The following DOCK3 variants were observed in gnomAD, a reference collection of about 807,000 sequenced individuals.
The protein encoded by DOCK3 is dedicator of cytokinesis protein 3.
In DOCK3, 60 loss-of-function variants were observed where a neutral mutation model predicts 265.6. The observed-to-expected ratio is 0.23, with a 90% CI of 0.18 to 0.28. The LOEUF (loss-of-function observed/expected upper bound fraction) is 0.28. Ranked by LOEUF, DOCK3 falls within the 10% of genes least tolerant of loss-of-function variation. DOCK3 has a pLI of 1.00. For synonymous variants in DOCK3, 881 were observed against 938.0 expected, an observed-to-expected ratio of 0.94 and a Z score of 1.11; for missense variants, 1,981 against 2,594.3, an observed-to-expected ratio of 0.76 and a Z score of 5.14.
chr3:51,268,992 T>C (rs2080343527), intron 23 of DOCK3, among the ~76,000 whole-genome samples: 1 of 152,000 alleles, frequency 6.6e-6, no homozygotes, highest in Non-Finnish European at 1.5e-5. Flanking sequence ...GGCACACTCC[T>C]ACTACATCAA....
Position 51,227,444 on chromosome 3 carries a change from C to T in DOCK3, c.1539C>T (p.Ser513=), listed in dbSNP as rs772063369. 1.2e-6 allele frequency: 2 copies of T among 1,613,738 alleles called. No homozygotes were observed. The highest frequency in any genetic ancestry group is 2.2e-5 in the South Asian group (2 of 91,046). ...SHLRFEFRHC[S]TKDKGEKKLF... is the part of the protein sequence containing the mutation. The stretch of plus-strand genomic sequence containing the variant: ...TGCGCTTTGAGTTCAGACATTGTTC[C>T]AGTGAGTTAGACTTCCCCCCCTCCA... Residue 513 remains serine, a splice_region_variant and synonymous_variant, in exon 16 of 53, where the codon TCC becomes TCT. Transcript: ENST00000266037.
chr3:50,736,292 G>C (rs1477456360), intron 1 of DOCK3, among the ~76,000 whole-genome samples: 1 of 152,056 alleles, frequency 6.6e-6, no homozygotes, highest in Non-Finnish European at 1.5e-5. Flanking sequence ...TCTTAATCCA[G>C]TCTATCATTG....
At chr3:51,040,982 A>G (rs919861629) in intron 5 of DOCK3, among the ~76,000 whole-genome samples, 4 of 151,580 alleles carry the variant, frequency 2.6e-5, no homozygotes, top group African/African-American at 9.7e-5. Flanking sequence ...GAAGTCATTC[A>G]TGAGGGTTGG....
At chr3:51,037,490 T>C (rs1397276524) in intron 5 of DOCK3, among the ~76,000 whole-genome samples, 1 of 152,164 alleles carries the variant, frequency 6.6e-6, no homozygotes, top group African/African-American at 2.4e-5. Flanking sequence ...ATATTAGTCA[T>C]GTATTACATG....
intron 9 of DOCK3, among the ~76,000 whole-genome samples, chr3:51,109,598 AAAATAGTCC>A (rs1192434790): frequency 6.6e-6 from 1 of 152,166 alleles, no homozygotes; most frequent in Admixed American, 6.5e-5. Context: ...AAAAAATAAT[AAAATAGTCC>A]ATTAGCTAGA....
chr3:50,739,770 C>A (rs2038893800), intron 1 of DOCK3, among the ~76,000 whole-genome samples: 1 of 151,936 alleles, frequency 6.6e-6, no homozygotes, highest in African/African-American at 2.4e-5. Flanking sequence ...CTGGGGCAGG[C>A]TAATTGAACA....
intron 41 of DOCK3, among the ~76,000 whole-genome samples, chr3:51,355,482 T>C (rs553603446): frequency 6.6e-6 from 1 of 152,272 alleles, no homozygotes; most frequent in East Asian, 1.9e-4. Context: ...GGCCCAAGGA[T>C]GTGTGGAGCA....
intron 14 of DOCK3, among the ~76,000 whole-genome samples, chr3:51,221,915 A>T (rs2090115321): frequency 1.3e-5 from 2 of 152,188 alleles, no homozygotes; most frequent in Non-Finnish European, 2.9e-5. Flanking sequence ...AGAGCTGCCC[A>T]GTCCCCTACT....
intron 3 of DOCK3, among the ~76,000 whole-genome samples, chr3:50,858,798 G>A (rs1365356639): frequency 6.6e-6 from 1 of 152,102 alleles, no homozygotes; most frequent in Non-Finnish European, 1.5e-5. Flanking sequence ...ATGATTCATA[G>A]ATTTGGCCTC....
chr3:51,218,802 G>A (rs2089936838), intron 14 of DOCK3, among the ~76,000 whole-genome samples: 1 of 152,114 alleles, frequency 6.6e-6, no homozygotes, highest in Non-Finnish European at 1.5e-5. Context: ...CCGAACCTCA[G>A]TGTGCCTCAG....
At chr3:51,085,391 A>G (rs1378848186) in intron 7 of DOCK3, among the ~76,000 whole-genome samples, 1 of 152,220 alleles carries the variant, frequency 6.6e-6, no homozygotes, top group Non-Finnish European at 1.5e-5. Flanking sequence ...AGCACATGGA[A>G]CATACTCCAG....
chr3:50,774,633 C>A (rs2041482205), intron 1 of DOCK3, among the ~76,000 whole-genome samples: 2 of 151,920 alleles, frequency 1.3e-5, no homozygotes, highest in South Asian at 4.2e-4. Context: ...CACAGTCAGA[C>A]CTGCTGATAA....
rs77726274 is a variant in DOCK3, at chr3:51,014,426, T to C, written c.316-50022T>C. On this transcript the variant is annotated intron_variant, in intron 5 of 52. Coordinates refer to ENST00000266037, the MANE Select transcript of DOCK3 (RefSeq NM_004947.5). ...CACTTATACCCATCATTCTGTATAGTGCTTCCAGAATCAGTTTCCTGAATC... is the reference window on the plus strand; with the variant it reads ...CACTTATACCCATCATTCTGTATAGCGCTTCCAGAATCAGTTTCCTGAATC... Among the ~76,000 whole-genome samples the C allele has an allele frequency of 5.4e-3, 815 of 152,288 alleles. 3 individuals are homozygous for C. Among genetic ancestry groups the C allele is most frequent in the African/African-American group, 0.019 (777 of 41,538 alleles).
At chr3:51,029,582 G>A (rs1311917043) in intron 5 of DOCK3, among the ~76,000 whole-genome samples, 1 of 152,214 alleles carries the variant, frequency 6.6e-6, no homozygotes, top group Non-Finnish European at 1.5e-5. Flanking sequence ...GGAACCCCCT[G>A]AAGTGGTTGG....
intron 9 of DOCK3, among the ~76,000 whole-genome samples, chr3:51,100,254 T>C (rs752643233): frequency 4.1e-4 from 63 of 152,190 alleles, no homozygotes; most frequent in Non-Finnish European, 9.0e-4. Context: ...CAGGCAGATA[T>C]TGTAAGGCAG....
chr3:51,246,851 A>G (rs995146281), intron 22 of DOCK3, 44 bp downstream of exon 22: 3 of 1,565,874 alleles, frequency 1.9e-6, no homozygotes, highest in Admixed American at 1.8e-5. Flanking sequence ...CACTCATGCA[A>G]TTATTTGTGA....
At chr3:51,209,727 G>A (rs2089404933) in intron 13 of DOCK3, among the ~76,000 whole-genome samples, 1 of 152,218 alleles carries the variant, frequency 6.6e-6, no homozygotes, top group Non-Finnish European at 1.5e-5. Flanking sequence ...ACATGTTGTA[G>A]AAAACTTTGT....
chr3:51,040,772 G>A (rs2080449771), intron 5 of DOCK3, among the ~76,000 whole-genome samples: 1 of 152,090 alleles, frequency 6.6e-6, no homozygotes, highest in Non-Finnish European at 1.5e-5. Flanking sequence ...AATGTTCACA[G>A]CATCTTCACC....
At chr3:51,180,498 C>T (rs1011058492) in intron 12 of DOCK3, among the ~76,000 whole-genome samples, 1 of 152,072 alleles carries the variant, frequency 6.6e-6, no homozygotes, top group Non-Finnish European at 1.5e-5. Context: ...TGCCAACATG[C>T]CTGGATGGGA....
Sources: gnomAD v4.1 joint callset for allele counts (sites outside exome capture counted in the v4.1 genomes callset) on GRCh38, gnomAD v4.1.1 for gene constraint, MANE v1.5 for transcripts, NCBI Gene and HGNC (gene_info 2026-07-23, HGNC 2026-07-21) for gene names.